SPTAN1: variants seen among roughly 807,000 people sequenced by gnomAD.
SPTAN1 encodes the protein spectrin alpha chain, non-erythrocytic 1.
SPTAN1 carries 61 observed loss-of-function variants against 331.3 expected under a neutral mutation model. The observed-to-expected ratio is 0.18, with a 90% CI of 0.15 to 0.23. SPTAN1 has a LOEUF of 0.23. SPTAN1 is among the 10% of genes least tolerant of loss of function. The pLI is 1.00. For missense variants in SPTAN1, 2,043 were observed against 3,147.9 expected (o/e 0.65, Z 8.40); for synonymous variants, 1,153 against 1,173.9 (o/e 0.98, Z 0.36).
chr9:128,606,476 T>A (rs1855885599), intron 31 of SPTAN1, among the ~76,000 whole-genome samples: 1 of 31,696 alleles, frequency 3.2e-5, no homozygotes, highest in African/African-American at 8.3e-5. Context: ...CCTAGACATA[T>A]ATATATATAT....
chr9:128,568,964 A>T, intron 3 of SPTAN1, 67 bp downstream of exon 3: 1 of 1,606,600 alleles, frequency 6.2e-7, no homozygotes, highest in Non-Finnish European at 8.5e-7. Context: ...TCATGCATAC[A>T]TGTCAGTTTG....
intron 39 of SPTAN1, among the ~76,000 whole-genome samples, chr9:128,612,957 G>GT (rs1856737344): frequency 6.6e-6 from 1 of 151,690 alleles, no homozygotes; most frequent in East Asian, 1.9e-4. Context: ...TAATAATTGC[G>GT]TAAGTTTATC....
At position 128,584,431 on chromosome 9, in the gene SPTAN1, C is replaced by A. The variant is rs34084388; in HGVS notation, c.2343C>A (p.Ala781=). Residue 781 remains alanine (A), a synonymous_variant, in exon 17 of 57, where the codon GCC becomes GCA. Coordinates refer to ENST00000372739, the MANE Select transcript of SPTAN1 (RefSeq NM_001130438.3). ...TGGTTGCCCGGAAGCAGAAGCTGGCCGATTCTCTGCGGTTGCAGCAGCTCT... is the reference window on the plus strand; with the variant it reads ...TGGTTGCCCGGAAGCAGAAGCTGGCAGATTCTCTGCGGTTGCAGCAGCTCT... The part of the protein sequence containing the change: ...EPMVARKQKL[A]DSLRLQQLFR... 9,055 of 1,614,036 alleles carry A rather than the reference C, an allele frequency of 5.6e-3. 392 individuals carry two copies. The African/African-American group carries it at 0.1, about 18-fold the overall frequency.
intron 24 of SPTAN1, chr9:128,596,284 G>GTTT (rs1854273268): frequency 6.6e-6 from 1 of 150,776 alleles, no homozygotes. Context: ...TTGTTTGTTT[G>GTTT]TTTGTTTTTC....
Position 128,615,730 on chromosome 9 carries a change from G to A in SPTAN1, c.5247G>A (p.Gly1749=), listed in dbSNP as rs777312802. The part of the protein sequence containing the change: ...QVKDKRDTIN[G]RFQKIKSMAA... ...AGGACAAGAGGGACACCATCAACGG[G>A]CGCTTCCAGAAGATCAAGAGCATGG... The change falls in exon 41 of 57, where the codon GGG becomes GGA. Residue 1749 remains glycine, a synonymous_variant. Transcript: ENST00000372739. 6.2e-7 allele frequency: 1 copy of A among 1,614,212 alleles called. No homozygotes were observed. Among genetic ancestry groups the A allele is most frequent in the Non-Finnish European group, 8.5e-7 (1 of 1,180,040 alleles).
At chr9:128,591,676 CTG>C in intron 22 of SPTAN1, 51 bp downstream of exon 22, 1 of 1,610,114 alleles carries the variant, frequency 6.2e-7, no homozygotes, top group Non-Finnish European at 8.5e-7. Context: ...TAGGCATACT[CTG>C]TTCCACATGG....
intron 27 of SPTAN1, 70 bp downstream of exon 27, chr9:128,600,185 G>A: frequency 1.3e-6 from 2 of 1,527,214 alleles, no homozygotes; most frequent in Non-Finnish European, 1.8e-6. Context: ...CTTTTCTGGT[G>A]TGCCTTTCTC....
intron 45 of SPTAN1, among the ~76,000 whole-genome samples, chr9:128,623,492 G>GT (rs1334455031): frequency 6.6e-6 from 1 of 151,590 alleles, no homozygotes; most frequent in Non-Finnish European, 1.5e-5. Flanking sequence ...GTCTTGCTGT[G>GT]TTGCCCAGGC....
chr9:128,576,426 G>A (rs1227327377), intron 5 of SPTAN1, among the ~76,000 whole-genome samples: 5 of 152,122 alleles, frequency 3.3e-5, no homozygotes, highest in Non-Finnish European at 5.9e-5. Flanking sequence ...CTTGAGCCCC[G>A]AAAATTATGT....
At position 128,603,414 on chromosome 9, in the gene SPTAN1, G is replaced by GAA. The variant is rs1323930279; in HGVS notation, c.3580-128_3580-127dup. 7 of 955,482 alleles carry GAA rather than the reference G, an allele frequency of 7.3e-6. No homozygotes were observed. In the African/African-American group the frequency reaches 1.1e-4, roughly 15 times the overall value. 59.2% of individuals were successfully genotyped at this position (955,482 alleles called of 1,614,324 possible). ...ACACTTGTACTGATGTCTCTGTTAA[G>GAA]AATGTTGACAGTATCCCTTTAAGGT... On this transcript the variant is annotated intron_variant, in intron 27 of 56. Coordinates refer to ENST00000372739, the MANE Select transcript of SPTAN1 (RefSeq NM_001130438.3).
At chr9:128,611,142 T>C (rs1856513920) in intron 37 of SPTAN1, among the ~76,000 whole-genome samples, 2 of 152,212 alleles carry the variant, frequency 1.3e-5, no homozygotes, top group African/African-American at 4.8e-5. Flanking sequence ...ATTCTAGGGC[T>C]TCACTCCCAA....
intron 34 of SPTAN1, 67 bp downstream of exon 34, chr9:128,608,343 T>C: frequency 6.3e-7 from 1 of 1,596,418 alleles, no homozygotes; most frequent in Non-Finnish European, 8.6e-7. Flanking sequence ...TCTTGGCTTA[T>C]ATAGTCACTG....
At chr9:128,594,450 T>TTG in intron 24 of SPTAN1, 77 bp downstream of exon 24, 1 of 1,350,668 alleles carries the variant, frequency 7.4e-7, no homozygotes, top group Non-Finnish European at 1.0e-6. Context: ...TTTTTTTTTT[T>TTG]GAGATGGATT....
chr9:128,616,555 T>TCAG (rs2052694248), intron 41 of SPTAN1, among the ~76,000 whole-genome samples: 1 of 148,368 alleles, frequency 6.7e-6, no homozygotes. Flanking sequence ...TCACTTGAGG[T>TCAG]CAGGAGTTCG....
intron 1 of SPTAN1, among the ~76,000 whole-genome samples, chr9:128,562,951 T>A (rs1204375659): frequency 2.1e-5 from 3 of 142,564 alleles, no homozygotes; most frequent in Non-Finnish European, 1.5e-5. Context: ...GGCGACAGAG[T>A]GAGACTCCGT....
At chr9:128,568,716 CAAAATGCTG>C (rs1356108595) in intron 2 of SPTAN1, 47 bp from the exon 3 acceptor site, 132 of 1,610,692 alleles carry the variant, frequency 8.2e-5, no homozygotes, top group Non-Finnish European at 1.1e-4. Context: ...ACAGCGGGGA[CAAAATGCTG>C]ATGCTGTGTG....
intron 51 of SPTAN1, chr9:128,628,971 G>T: frequency 2.5e-6 from 1 of 393,708 alleles, no homozygotes; most frequent in East Asian, 3.6e-5. Flanking sequence ...GCTGCCTGGG[G>T]TGAACCACTG....
intron 21 of SPTAN1, among the ~76,000 whole-genome samples, chr9:128,590,511 C>G (rs1853328553): frequency 7.0e-6 from 1 of 143,638 alleles, no homozygotes; most frequent in African/African-American, 2.6e-5. Flanking sequence ...CGAGACCAAC[C>G]TGGGGCACAT....
rs1853563262 is a variant in SPTAN1, at chr9:128,591,748, C to T, written c.3155+123C>T. Reference sequence around the variant, plus strand: ...CCCACCTGCACGCCTCCTGCTGTCTCCACCCCACTTTGAGCCCACAGACCT... The same window carrying T: ...CCCACCTGCACGCCTCCTGCTGTCTTCACCCCACTTTGAGCCCACAGACCT... On this transcript the variant is annotated intron_variant, in intron 22 of 56. Coordinates refer to ENST00000372739, the MANE Select transcript of SPTAN1 (RefSeq NM_001130438.3). 14 of 1,251,382 alleles carry T rather than the reference C, an allele frequency of 1.1e-5. 1 individual carries two copies. In the South Asian group the frequency reaches 1.5e-4, roughly 13 times the overall value. The allele number at this position is 1,251,382 out of a possible 1,614,324, so 77.5% of individuals were successfully genotyped here. A position where few individuals can be genotyped will look rare whatever the true frequency, so the allele number is the denominator to read the frequency against.
Sources: allele counts gnomAD v4.1 joint callset (sites outside exome capture counted in the v4.1 genomes callset), GRCh38; gene constraint gnomAD v4.1.1; transcripts MANE v1.5; gene names NCBI Gene and HGNC (gene_info 2026-07-23, HGNC 2026-07-21).